Variants in TNNI3K observed in about 807,000 individuals in gnomAD.
TNNI3K encodes the protein TNNI3 interacting kinase.
Under a neutral mutation model 114.5 loss-of-function variants are expected in TNNI3K, and 140 were observed. The observed-to-expected ratio is 1.22, with a 90% CI of 1.07 to 1.41. The LOEUF (loss-of-function observed/expected upper bound fraction) is 1.41. Among genes scored for constraint, TNNI3K ranks in the 40% most tolerant of loss-of-function variants. TNNI3K has a pLI of 0.00. For synonymous variants in TNNI3K, 347 were observed against 347.5 expected (o/e 1.00, Z 0.02); for missense variants, 1,125 against 1,007.6 (o/e 1.12, Z -1.58).
rs192956177 is a variant in TNNI3K, at chr1:74,297,549, G to A, written c.444+25841G>A. On this transcript the variant is annotated intron_variant, in intron 5 of 24. Transcript: ENST00000326637. ...TGTGTGTGTGTGTGTGTGTGTGTGTGTGTGTATAAATATAATATTTTCTTT... is the reference window on the plus strand; with the variant it reads ...TGTGTGTGTGTGTGTGTGTGTGTGTATGTGTATAAATATAATATTTTCTTT... 3.7e-3 allele frequency among the ~76,000 whole-genome samples: 563 copies of A among 151,640 alleles called. 5 individuals are homozygous for A. Among genetic ancestry groups the A allele is most frequent in the African/African-American group, 0.013 (539 of 41,370 alleles).
intron 17 of TNNI3K, chr1:74,418,440 G>T (rs1665236615): frequency 6.3e-6 from 1 of 159,410 alleles, no homozygotes; most frequent in African/African-American, 2.4e-5. Flanking sequence ...TTATTTTAGA[G>T]TTCTCAGTAG....
chr1:74,352,018 T>C (rs1282337867), intron 9 of TNNI3K, among the ~76,000 whole-genome samples: 7 of 152,212 alleles, frequency 4.6e-5, no homozygotes, highest in Admixed American at 4.6e-4. Flanking sequence ...TGAGGAGCTG[T>C]GTTCCTTTGG....
intron 21 of TNNI3K, chr1:74,471,582 G>A (rs1667934573): frequency 5.0e-6 from 2 of 400,616 alleles, no homozygotes; most frequent in Non-Finnish European, 8.8e-6. Flanking sequence ...CCCCAGTGTT[G>A]CTAAATTTTT....
At chr1:74,414,692 A>G (rs1182912587) in intron 17 of TNNI3K, among the ~76,000 whole-genome samples, 1 of 152,226 alleles carries the variant, frequency 6.6e-6, no homozygotes, top group Admixed American at 6.6e-5. Flanking sequence ...AAGCAAATCA[A>G]TAGGTACCAA....
chr1:74,313,397 C>T (rs1557491073), intron 5 of TNNI3K, among the ~76,000 whole-genome samples: 1 of 152,196 alleles, frequency 6.6e-6, no homozygotes, highest in Non-Finnish European at 1.5e-5. Context: ...AAGATAATTA[C>T]AGGTTGACAC....
Position 74,511,972 on chromosome 1 carries a change from T to C in TNNI3K, c.2351+19706T>C, listed in dbSNP as rs78630595. ...CAATAGAAGTAGAAATAAAAGAACATGGAGTCAAGTAAGTTCAGTACCCAA... is the reference window on the plus strand; with the variant it reads ...CAATAGAAGTAGAAATAAAAGAACACGGAGTCAAGTAAGTTCAGTACCCAA... On this transcript the variant is annotated intron_variant, in intron 23 of 24. Coordinates refer to ENST00000326637, the MANE Select transcript of TNNI3K (RefSeq NM_015978.3). Among the ~76,000 whole-genome samples, 5 of 152,276 alleles carry C rather than the reference T, an allele frequency of 3.3e-5. No homozygotes were observed. The East Asian group carries it at 9.7e-4, about 29-fold the overall frequency.
intron 23 of TNNI3K, among the ~76,000 whole-genome samples, chr1:74,534,887 G>C (rs1646641136): frequency 6.6e-6 from 1 of 152,118 alleles, no homozygotes; most frequent in African/African-American, 2.4e-5. Flanking sequence ...TTCCTCCTTT[G>C]AAATGGAGCA....
At chr1:74,494,452 G>C (rs1185192494) in intron 23 of TNNI3K, among the ~76,000 whole-genome samples, 52 of 152,190 alleles carry the variant, frequency 3.4e-4, no homozygotes, top group African/African-American at 1.2e-3. Flanking sequence ...ACACAAACTG[G>C]ACACCATTTT....
chr1:74,352,960 G>T (rs904427304), intron 9 of TNNI3K, among the ~76,000 whole-genome samples: 1 of 152,078 alleles, frequency 6.6e-6, no homozygotes, highest in Non-Finnish European at 1.5e-5. Context: ...GGCATGGTGC[G>T]CTTCACCCAC....
chr1:74,494,988 T>TCTGGAG, intron 23 of TNNI3K, among the ~76,000 whole-genome samples: 1 of 152,306 alleles, frequency 6.6e-6, no homozygotes, highest in South Asian at 2.1e-4. Context: ...GGACAGAGCT[T>TCTGGAG]CTCTAGCCTT....
At chr1:74,421,535 A>T (rs931689936) in intron 17 of TNNI3K, among the ~76,000 whole-genome samples, 1 of 152,148 alleles carries the variant, frequency 6.6e-6, no homozygotes, top group Non-Finnish European at 1.5e-5. Context: ...GAGCTGTGGT[A>T]AAGTCTAAAT....
intron 11 of TNNI3K, among the ~76,000 whole-genome samples, chr1:74,357,629 A>G (rs1202709903): frequency 1.3e-5 from 2 of 152,158 alleles, no homozygotes; most frequent in Non-Finnish European, 2.9e-5. Context: ...TAGCCCTTCT[A>G]ACCTAAATAT....
intron 17 of TNNI3K, among the ~76,000 whole-genome samples, chr1:74,404,688 G>T (rs1200678934): frequency 1.3e-5 from 2 of 152,200 alleles, no homozygotes; most frequent in Non-Finnish European, 2.9e-5. Context: ...GGCCTATGCT[G>T]ATCTCCCAGA....
Position 74,413,677 on chromosome 1 carries a change from A to T in TNNI3K, c.1773-22403A>T, listed in dbSNP as rs367772239. Among the ~76,000 whole-genome samples the T allele has an allele frequency of 2.6e-5, 4 of 152,208 alleles. No individual in the cohort carries two copies. In the East Asian group the frequency reaches 5.8e-4, roughly 22 times the overall value. On this transcript the variant is annotated intron_variant, in intron 17 of 24. Coordinates refer to ENST00000326637, the MANE Select transcript of TNNI3K (RefSeq NM_015978.3). ...AAAGAACGTTGCATACTTTGAATAC[A>T]AGCGCCGAAAATTTACGATTATAGT...
intron 17 of TNNI3K, among the ~76,000 whole-genome samples, chr1:74,387,216 G>A (rs1663529809): frequency 1.3e-5 from 2 of 152,144 alleles, no homozygotes; most frequent in Admixed American, 6.5e-5. Context: ...TTTAGAATAT[G>A]TTAAGGAAAA....
chr1:74,438,635 A>G (rs1666239932), intron 19 of TNNI3K, among the ~76,000 whole-genome samples: 1 of 152,070 alleles, frequency 6.6e-6, no homozygotes, highest in Non-Finnish European at 1.5e-5. Context: ...CAGAACTAGA[A>G]TTTTCATCTC....
intron 11 of TNNI3K, among the ~76,000 whole-genome samples, chr1:74,363,995 T>TTATTATTAG (rs1662121901): frequency 6.8e-6 from 1 of 146,506 alleles, no homozygotes; most frequent in Non-Finnish European, 1.5e-5. Context: ...ATTATTATTA[T>TTATTATTAG]TATTATTATT....
In TNNI3K at chr1:74,544,009, G is replaced by GT. The variant is rs746952385; in HGVS notation, c.*33dup. 7 of 1,598,810 alleles carry GT rather than the reference G, an allele frequency of 4.4e-6. No individual in the cohort carries two copies. The South Asian group carries it at 4.6e-5, about 10-fold the overall frequency. On this transcript the variant is annotated 3_prime_UTR_variant, in exon 25 of 25. Coordinates refer to ENST00000326637, the MANE Select transcript of TNNI3K (RefSeq NM_015978.3). ...AGCATTCGGCGTATACCTAAGGAGAGTTTTTTCCCCGAACTGACAGCAACG... is the reference window on the plus strand; with the variant it reads ...AGCATTCGGCGTATACCTAAGGAGAGTTTTTTTCCCCGAACTGACAGCAACG...
At chr1:74,440,319 T>C (rs1229791626) in intron 20 of TNNI3K, among the ~76,000 whole-genome samples, 3 of 152,102 alleles carry the variant, frequency 2.0e-5, no homozygotes, top group African/African-American at 7.2e-5. Flanking sequence ...ACAAATCTCC[T>C]TAAGGACTTT....
Sources: allele counts gnomAD v4.1 joint callset (sites outside exome capture counted in the v4.1 genomes callset), GRCh38; gene constraint gnomAD v4.1.1; transcripts MANE v1.5; gene names NCBI Gene and HGNC (gene_info 2026-07-23, HGNC 2026-07-21).